Variants in TEAD4 observed in about 807,000 individuals in gnomAD.
The protein encoded by TEAD4 is transcriptional enhancer factor TEF-3.
TEAD4 carries 36 observed loss-of-function variants against 52.4 expected under a neutral mutation model. The ratio of observed to expected loss-of-function variants is 0.69; its 90% confidence interval spans 0.53 to 0.91. TEAD4 has a LOEUF of 0.91. Ranked by LOEUF, TEAD4 falls within the 40% of genes least tolerant of loss-of-function variation. The pLI is 0.00. For synonymous variants in TEAD4, 220 were observed against 231.0 expected (o/e 0.95, Z 0.43); for missense variants, 508 against 583.9 (o/e 0.87, Z 1.34).
intron 2 of TEAD4, among the ~76,000 whole-genome samples, chr12:2,963,651 C>A (rs1287046987): frequency 6.6e-6 from 1 of 152,210 alleles, no homozygotes; most frequent in African/African-American, 2.4e-5. Flanking sequence ...GACGGTTCTT[C>A]CCTTGCTTTT....
chr12:2,999,220 C>T (rs1442241561), intron 3 of TEAD4, among the ~76,000 whole-genome samples: 1 of 152,136 alleles, frequency 6.6e-6, no homozygotes, highest in Admixed American at 6.5e-5. Context: ...CTGCGCTTCC[C>T]ATCCTCTGTG....
intron 2 of TEAD4, among the ~76,000 whole-genome samples, chr12:2,993,800 C>G (rs1014313630): frequency 6.6e-6 from 1 of 152,242 alleles, no homozygotes; most frequent in East Asian, 1.9e-4. Context: ...TTAGATACCT[C>G]GTCAGCGGAA....
intron 2 of TEAD4, among the ~76,000 whole-genome samples, chr12:2,963,603 T>C (rs1015092658): frequency 6.6e-6 from 1 of 152,164 alleles, no homozygotes; most frequent in Admixed American, 6.5e-5. Flanking sequence ...CCAGCTCCTA[T>C]CTTCTAATTC....
chr12:3,017,594 A>T, intron 6 of TEAD4, 68 bp downstream of exon 6: 1 of 1,524,234 alleles, frequency 6.6e-7, no homozygotes. Context: ...TGTTCAGAAG[A>T]GCCAGAAGCA....
chr12:3,000,542 G>A (rs1248180416), intron 3 of TEAD4, among the ~76,000 whole-genome samples: 1 of 152,106 alleles, frequency 6.6e-6, no homozygotes, highest in East Asian at 1.9e-4. Flanking sequence ...TTAATCCATC[G>A]TGAAGGCAGT....
chr12:3,014,535 G>A (rs1438781877), intron 5 of TEAD4, among the ~76,000 whole-genome samples: 1 of 152,216 alleles, frequency 6.6e-6, no homozygotes, highest in Non-Finnish European at 1.5e-5. Flanking sequence ...GCTCTGGGTT[G>A]GACAGTGATC....
At position 2,994,166 on chromosome 12, in the gene TEAD4, TC is replaced by T. The variant is rs1305042749; in HGVS notation, c.-29-571del. Among the ~76,000 whole-genome samples, 1 of 152,114 alleles carries T rather than the reference TC, an allele frequency of 6.6e-6. No individual in the cohort carries two copies. The highest frequency in any genetic ancestry group is 2.4e-5 in the African/African-American group (1 of 41,436). On this transcript the variant is annotated intron_variant, in intron 2 of 12. Coordinates refer to ENST00000359864, the MANE Select transcript of TEAD4 (RefSeq NM_003213.4). This position sits in a 1 kb window ranked among gnomAD's most constrained non-coding sequence, Gnocchi z 4.7. ...CTCGGCTCACTGCAACCTCTGCTTC[TC>T]GGATTCAAGCGATTCTCCTTGTCTG... is the stretch of plus-strand genomic sequence containing the variant.
chr12:2,966,817 C>A (rs2098220747), intron 2 of TEAD4, among the ~76,000 whole-genome samples: 1 of 152,188 alleles, frequency 6.6e-6, no homozygotes, highest in African/African-American at 2.4e-5. Flanking sequence ...AGCGATTCTC[C>A]TGCCTCAGCT....
intron 2 of TEAD4, among the ~76,000 whole-genome samples, chr12:2,977,501 G>T (rs1284740238): frequency 6.6e-6 from 1 of 152,214 alleles, no homozygotes; most frequent in Admixed American, 6.5e-5. Flanking sequence ...TGTGATGAAG[G>T]CCTCACACCA....
At chr12:3,008,755 T>C (rs895597841) in intron 3 of TEAD4, among the ~76,000 whole-genome samples, 2 of 152,148 alleles carry the variant, frequency 1.3e-5, no homozygotes, top group Admixed American at 1.3e-4. Flanking sequence ...GCATAGTCTC[T>C]TCCTCTGAGC....
In TEAD4 at chr12:2,987,520, C is replaced by T. The variant is rs370731694; in HGVS notation, c.-29-7218C>T. ...CGCGATCTCAGCTCACTGCAAGCTC[C>T]GCCTCCCGGGTTCACGCCATTCTCC... is the stretch of plus-strand genomic sequence containing the variant. On this transcript the variant is annotated intron_variant, in intron 2 of 12. Coordinates refer to ENST00000359864, the MANE Select transcript of TEAD4 (RefSeq NM_003213.4). Among the ~76,000 whole-genome samples, 111 of 152,078 alleles carry T rather than the reference C, an allele frequency of 7.3e-4. 1 individual carries two copies. The highest frequency in any genetic ancestry group is 3.4e-3 in the Middle Eastern group (1 of 294).
rs552082402 is a variant in TEAD4, at chr12:2,985,993, G to A, written c.-29-8745G>A. 4.2e-4 allele frequency among the ~76,000 whole-genome samples: 64 copies of A among 151,842 alleles called. 1 individual carries two copies. The South Asian group carries it at 6.2e-3, about 15-fold the overall frequency. On this transcript the variant is annotated intron_variant, in intron 2 of 12. Coordinates refer to ENST00000359864, the MANE Select transcript of TEAD4 (RefSeq NM_003213.4). ...TCCCAGCTACTGGGGAGGCTGAGGC[G>A]GAGAATTGCTTGAACCCGGGAGGCA...
At position 3,020,665 on chromosome 12, in the gene TEAD4, G is replaced by A. The variant is rs1422823162; in HGVS notation, c.615G>A (p.Ser205=). Reference sequence around the variant, plus strand: ...AGTCTCCTGCAGGGCCCGCCCCATCGCCCTCTGCGCCCCCGGCACCCCCAT... The same window carrying A: ...AGTCTCCTGCAGGGCCCGCCCCATCACCCTCTGCGCCCCCGGCACCCCCAT... The change falls in exon 9 of 13, where the codon TCG becomes TCA. Residue 205 remains serine (S), a synonymous_variant. Transcript: ENST00000359864. 5.0e-6 allele frequency: 8 copies of A among 1,599,962 alleles called. No homozygotes were observed. Among genetic ancestry groups the A allele is most frequent in the South Asian group, 1.1e-5 (1 of 88,842 alleles).
At chr12:2,998,428 A>G (rs551575976) in intron 3 of TEAD4, among the ~76,000 whole-genome samples, 1 of 151,166 alleles carries the variant, frequency 6.6e-6, no homozygotes, top group South Asian at 2.1e-4. Flanking sequence ...CCACTGACTC[A>G]GGGAAGCAGA....
Position 2,994,138 on chromosome 12 carries a change from G to C in TEAD4, c.-29-600G>C, listed in dbSNP as rs960142272. 1.3e-5 allele frequency among the ~76,000 whole-genome samples: 2 copies of C among 152,272 alleles called. No homozygotes were observed. Among genetic ancestry groups the C allele is most frequent in the Admixed American group, 6.5e-5 (1 of 15,280 alleles). On this transcript the variant is annotated intron_variant, in intron 2 of 12. Transcript: ENST00000359864. This position sits in a 1 kb window ranked among gnomAD's most constrained non-coding sequence, Gnocchi z 4.7. Reference sequence around the variant, plus strand: ...CACCCAGGCTGGAGTGTAGTGGCGGGATCTCGGCTCACTGCAACCTCTGCT... The same window carrying C: ...CACCCAGGCTGGAGTGTAGTGGCGGCATCTCGGCTCACTGCAACCTCTGCT...
intron 3 of TEAD4, among the ~76,000 whole-genome samples, chr12:3,000,444 C>T (rs2098250729): frequency 2.6e-5 from 4 of 152,188 alleles, no homozygotes; most frequent in African/African-American, 7.2e-5. Flanking sequence ...GCGAAGGGGC[C>T]GAGTGTGCTT....
At chr12:2,981,227 G>A (rs1403800335) in intron 2 of TEAD4, among the ~76,000 whole-genome samples, 2 of 152,202 alleles carry the variant, frequency 1.3e-5, no homozygotes, top group Non-Finnish European at 2.9e-5. Flanking sequence ...CTGCAGGGTC[G>A]CCTGCCCAGT....
chr12:3,017,277 C>A, intron 5 of TEAD4, 121 bp from the exon 6 acceptor site: 1 of 1,335,014 alleles, frequency 7.5e-7, no homozygotes, highest in Non-Finnish European at 1.0e-6. Flanking sequence ...GACTTAACGC[C>A]TGGTCCCCCA....
intron 11 of TEAD4, among the ~76,000 whole-genome samples, chr12:3,039,722 C>T (rs1486316944): frequency 6.6e-6 from 1 of 152,214 alleles, no homozygotes; most frequent in African/African-American, 2.4e-5. Flanking sequence ...CAGTCTCACT[C>T]TGTCGCCCAG....
Sources: allele counts gnomAD v4.1 joint callset (sites outside exome capture counted in the v4.1 genomes callset), GRCh38; gene constraint gnomAD v4.1.1; non-coding constraint Gnocchi (gnomAD v3.1); transcripts MANE v1.5; gene names NCBI Gene and HGNC (gene_info 2026-07-23, HGNC 2026-07-21).